Variants in EML5 observed in about 807,000 individuals in gnomAD.
EML5 encodes the protein echinoderm microtubule-associated protein-like 5.
EML5 carries 120 observed loss-of-function variants against 250.0 expected under a neutral mutation model. The observed-to-expected ratio is 0.48, with a 90% CI of 0.41 to 0.56. The LOEUF is 0.56. Ranked by LOEUF, EML5 falls within the 20% of genes least tolerant of loss-of-function variation. The pLI is 0.00. For missense variants in EML5, 2,006 were observed against 2,437.6 expected (o/e 0.82, Z 3.73); for synonymous variants, 771 against 806.5 (o/e 0.96, Z 0.75).
At position 88,694,315 on chromosome 14, in the gene EML5, C is replaced by A. The variant is rs370809285; in HGVS notation, c.2531G>T (p.Arg844Leu). 1.3e-6 allele frequency: 2 copies of A among 1,578,574 alleles called. No homozygotes were observed. The highest frequency in any genetic ancestry group is 1.3e-5 in the African/African-American group (1 of 74,196). Reference sequence around the variant, plus strand: ...AAGAAGCACTTTCTTACCTGCTTTACGCCAAAATTTCATGTGTTTAATTCC... The same window carrying A: ...AAGAAGCACTTTCTTACCTGCTTTAAGCCAAAATTTCATGTGTTTAATTCC... ...TAGIKHMKFW[R>L]KAGGGLIGRK... The change falls in exon 17 of 44, where the codon CGT becomes CTT. Residue 844 changes from arginine to leucine, a missense_variant. Around this residue, in one of 7 missense-constraint regions of EML5, gnomAD observed 1,375 missense variants for 1,590.3 expected, o/e 0.86. Transcript: ENST00000554922.
intron 14 of EML5, among the ~76,000 whole-genome samples, chr14:88,700,609 T>C (rs761343270): frequency 6.6e-6 from 1 of 152,126 alleles, no homozygotes; most frequent in Non-Finnish European, 1.5e-5. Flanking sequence ...GCAAACCCAT[T>C]ACTCCACTAC....
chr14:88,713,336 G>A (rs2093435711), intron 9 of EML5, among the ~76,000 whole-genome samples: 1 of 151,738 alleles, frequency 6.6e-6, no homozygotes, highest in Non-Finnish European at 1.5e-5. Flanking sequence ...AGGCTGTAGT[G>A]AGCTAAGAAC....
At chr14:88,665,589 A>T (rs1216217816) in intron 21 of EML5, 100 bp from the exon 22 acceptor site, 1 of 1,503,440 alleles carries the variant, frequency 6.7e-7, no homozygotes, top group African/African-American at 1.4e-5. Context: ...CACTCTGGGG[A>T]GCTGAGGCAG....
intron 18 of EML5, 74 bp downstream of exon 18, chr14:88,688,197 T>C: frequency 6.8e-7 from 1 of 1,462,338 alleles, no homozygotes; most frequent in Non-Finnish European, 9.5e-7. Flanking sequence ...AAAGGCAGTG[T>C]TCCTTTACTT....
intron 1 of EML5, among the ~76,000 whole-genome samples, chr14:88,758,017 T>TC (rs2094186808): frequency 7.4e-6 from 1 of 135,612 alleles, no homozygotes; most frequent in Non-Finnish European, 1.6e-5. Context: ...CACACCTGTC[T>TC]AATTTTTTTT....
intron 7 of EML5, among the ~76,000 whole-genome samples, chr14:88,733,751 C>G (rs2140169168): frequency 6.6e-6 from 1 of 152,226 alleles, no homozygotes; most frequent in African/African-American, 2.4e-5. Flanking sequence ...CAGTAATTAT[C>G]TGGAAACAAT....
chr14:88,657,268 C>G (rs1337729184), intron 27 of EML5, 108 bp downstream of exon 27: 1 of 1,111,012 alleles, frequency 9.0e-7, no homozygotes, highest in Non-Finnish European at 1.3e-6. Flanking sequence ...TTGTCTATAG[C>G]AAGAATATCA....
chr14:88,730,045 A>G (rs1164383848), intron 7 of EML5, among the ~76,000 whole-genome samples: 3 of 152,210 alleles, frequency 2.0e-5, no homozygotes, highest in African/African-American at 4.8e-5. Context: ...CAGAATTTTG[A>G]GGGCTATCTG....
At position 88,620,639 on chromosome 14, in the gene EML5, C is replaced by T. The variant is rs889301124; in HGVS notation, c.5375+115G>A. 3.8e-6 allele frequency: 3 copies of T among 787,736 alleles called. No homozygotes were observed. Among genetic ancestry groups the T allele is most frequent in the Non-Finnish European group, 5.5e-6 (3 of 543,128 alleles). The allele number at this position is 787,736 out of a possible 1,614,324, so 48.8% of individuals were successfully genotyped here. ...ATATTTTAGCATACAATTTATAATA[C>T]GGGAAATGCTACAGGCCCTGGGGAC... On this transcript the variant is annotated intron_variant, in intron 39 of 43. Coordinates refer to ENST00000554922, the MANE Select transcript of EML5 (RefSeq NM_183387.3). This position sits in a 1 kb window ranked among gnomAD's most constrained non-coding sequence, Gnocchi z 4.3.
chr14:88,748,102 T>C (rs1156486649), intron 2 of EML5, among the ~76,000 whole-genome samples: 2 of 152,084 alleles, frequency 1.3e-5, no homozygotes, highest in Non-Finnish European at 2.9e-5. Flanking sequence ...GACTTACTAA[T>C]TTGGACAAAC....
In EML5 at chr14:88,658,312, C is replaced by T; in HGVS notation, c.3752G>A (p.Ser1251Asn). 1 of 1,613,880 alleles carries T rather than the reference C, an allele frequency of 6.2e-7. No individual in the cohort carries two copies. Among genetic ancestry groups the T allele is most frequent in the South Asian group, 1.1e-5 (1 of 91,086 alleles). ...VTNVRWTYDD[S>N]MLVTLGGTDM... ...TGTACCGCCTAGGGTAACCAACATGCTGTCATCATAAGTCCAGCGAACATT... is the reference window on the plus strand; with the variant it reads ...TGTACCGCCTAGGGTAACCAACATGTTGTCATCATAAGTCCAGCGAACATT... The change falls in exon 26 of 44, where the codon AGC becomes AAC. Residue 1251 changes from serine to asparagine, a missense_variant. This residue lies in a region of EML5 where 1,375 missense variants were observed against 1,590.3 expected (regional missense o/e 0.86). Coordinates refer to ENST00000554922, the MANE Select transcript of EML5 (RefSeq NM_183387.3).
At chr14:88,704,507 AAAAG>A (rs1390307357) in intron 13 of EML5, among the ~76,000 whole-genome samples, 1 of 152,232 alleles carries the variant, frequency 6.6e-6, no homozygotes, top group Non-Finnish European at 1.5e-5. Context: ...CAGACAGAAA[AAAAG>A]AGACACAGAG....
Position 88,634,458 on chromosome 14 carries a change from G to C in EML5, c.4357+11C>G. The C allele has an allele frequency of 6.9e-7, 1 of 1,459,586 alleles. No individual in the cohort carries two copies. Among genetic ancestry groups the C allele is most frequent in the Non-Finnish European group, 9.2e-7 (1 of 1,090,656 alleles). The allele number at this position is 1,459,586 out of a possible 1,614,324, so 90.4% of individuals were successfully genotyped here. A position where few individuals can be genotyped will look rare whatever the true frequency, so the allele number is the denominator to read the frequency against. ...ATATAAATAAAGCAGAAAATGTTTA[G>C]TTTTCCTTACCTGACATGTCTGCTG... On this transcript the variant is annotated intron_variant, in intron 33 of 43. Coordinates refer to ENST00000554922, the MANE Select transcript of EML5 (RefSeq NM_183387.3).
chr14:88,697,603 T>G (rs1185769918), intron 14 of EML5, among the ~76,000 whole-genome samples: 1 of 152,222 alleles, frequency 6.6e-6, no homozygotes, highest in Non-Finnish European at 1.5e-5. Flanking sequence ...AATTCTTAAT[T>G]ATTCCTCTAG....
At chr14:88,677,786 T>C (rs1396405897) in intron 21 of EML5, among the ~76,000 whole-genome samples, 1 of 152,106 alleles carries the variant, frequency 6.6e-6, no homozygotes, top group Non-Finnish European at 1.5e-5. Context: ...TATTAAACAG[T>C]CAAGAAACAA....
In EML5 at chr14:88,615,826, G is replaced by A. The variant is rs200604070; in HGVS notation, c.5926C>T (p.Pro1976Ser). The stretch of plus-strand genomic sequence containing the variant: ...AGTCATCTCAGCATCTCTCAGTGAG[G>A]TGTATGTACACATTTCCAGACAAAT... ...SLFVWKCVHTPH is the reference protein window; with the variant it reads ...SLFVWKCVHTSH Residue 1976 changes from proline (P) to serine (S), a missense_variant, in exon 44 of 44, where the codon CCT becomes TCT. Coordinates refer to ENST00000554922, the MANE Select transcript of EML5 (RefSeq NM_183387.3). The A allele has an allele frequency of 1.2e-5, 20 of 1,611,848 alleles. No individual in the cohort carries two copies. The African/African-American group carries it at 1.6e-4, about 13-fold the overall frequency.
Position 88,644,415 on chromosome 14 carries a change from A to T in EML5, c.4107+18T>A. The T allele has an allele frequency of 1.2e-6, 2 of 1,611,188 alleles. No individual in the cohort carries two copies. Among genetic ancestry groups the T allele is most frequent in the Non-Finnish European group, 1.7e-6 (2 of 1,177,882 alleles). ...TCTGGATACATTTCAGTAACACTGG[A>T]GAGTGAGTTTTCCTTACCTCTATAG... On this transcript the variant is annotated intron_variant, in intron 30 of 43. Coordinates refer to ENST00000554922, the MANE Select transcript of EML5 (RefSeq NM_183387.3).
intron 1 of EML5, among the ~76,000 whole-genome samples, chr14:88,760,731 T>C (rs2094228038): frequency 1.3e-5 from 2 of 152,180 alleles, no homozygotes; most frequent in Admixed American, 6.5e-5. Flanking sequence ...ATTATATCTA[T>C]AAAAAACTTT....
At chr14:88,665,316 T>C (rs2092274851) in intron 22 of EML5, 21 bp downstream of exon 22, 2 of 1,598,496 alleles carry the variant, frequency 1.3e-6, no homozygotes, top group Non-Finnish European at 1.7e-6. Flanking sequence ...AATACTCAAA[T>C]ACAATTTCAA....
Sources: allele counts gnomAD v4.1 joint callset (sites outside exome capture counted in the v4.1 genomes callset), GRCh38; gene constraint gnomAD v4.1.1; regional missense constraint gnomAD v4.1.1; non-coding constraint Gnocchi (gnomAD v3.1); transcripts MANE v1.5; gene names NCBI Gene and HGNC (gene_info 2026-07-23, HGNC 2026-07-21).